Variants in C2CD3 observed in about 807,000 individuals in gnomAD.
C2CD3 encodes C2 domain containing 3 centriole elongation regulator.
A neutral mutation model predicts 234.0 loss-of-function variants in C2CD3; 148 were observed. That is an observed-to-expected ratio of 0.63 (90% CI 0.55 to 0.72). The LOEUF is 0.72. C2CD3 is among the 30% of genes least tolerant of loss of function. The probability of loss-of-function intolerance (pLI) is 0.00; values close to 1 mark genes in which losing one functional copy is unlikely to be tolerated. For synonymous variants in C2CD3, 1,000 were observed against 1,035.4 expected (o/e 0.97, Z 0.66); for missense variants, 2,577 against 2,811.5 (o/e 0.92, Z 1.89).
intron 2 of C2CD3, among the ~76,000 whole-genome samples, chr11:74,165,382 C>T (rs1356869597): frequency 6.6e-6 from 1 of 152,058 alleles, no homozygotes; most frequent in Non-Finnish European, 1.5e-5. Context: ...ATCCTAATTA[C>T]AAGGTTATTT....
At chr11:74,054,485 C>T (rs1953864453) in intron 26 of C2CD3, 122 bp downstream of exon 26, 4 of 582,224 alleles carry the variant, frequency 6.9e-6, no homozygotes, top group South Asian at 4.8e-5. Context: ...CCAGCACTGT[C>T]GGGAATGCTT....
At chr11:74,099,956 C>T (rs560488040) in intron 15 of C2CD3, among the ~76,000 whole-genome samples, 4 of 151,466 alleles carry the variant, frequency 2.6e-5, no homozygotes, top group Non-Finnish European at 5.9e-5. Flanking sequence ...AATGAAATAA[C>T]CTTCAGGTTA....
Position 74,093,907 on chromosome 11 carries a change from C to A in C2CD3, c.3253G>T (p.Ala1085Ser), listed in dbSNP as rs1956000825. The part of the protein sequence containing the change: ...SEHHHSLLLP[A>S]EVPVQRLLLS... ...AGGAGCCTTTGCACTGGAACCTCAG[C>A]TGGCAACAGGAGAGAGTGATGGTGT... Residue 1085 changes from alanine to serine, a missense_variant, in exon 18 of 33, where the codon GCT (alanine) becomes TCT (serine). Physicochemically the swap from Ala to Ser is moderately conservative, Grantham distance 99. Transcript: ENST00000334126. The A allele has an allele frequency of 1.2e-6, 2 of 1,613,980 alleles. No individual in the cohort carries two copies. The highest frequency in any genetic ancestry group is 2.7e-5 in the African/African-American group (2 of 74,910).
chr11:74,125,431 G>A (rs139188598), intron 7 of C2CD3, among the ~76,000 whole-genome samples: 13 of 152,232 alleles, frequency 8.5e-5, no homozygotes, highest in African/African-American at 3.1e-4. Context: ...GGAATTACAG[G>A]TGTGAGCCCC....
rs1856953636 is a variant in C2CD3 at position 74,168,550 on chromosome 11, A to C, written c.119T>G (p.Phe40Cys). 2.5e-6 allele frequency: 4 copies of C among 1,614,106 alleles called. No homozygotes were observed. The African/African-American group carries it at 5.3e-5, about 22-fold the overall frequency. ...PPLVEGQLRC[F>C]LKLTVNRVIW... ...GACTCTATTAACAGTAAGTTTTAGA[A>C]AACAGCGTAGCTGGCCTTCAACCAG... The change falls in exon 2 of 33, where the codon TTT becomes TGT. Residue 40 changes from phenylalanine (F) to cysteine (C), a missense_variant. Transcript: ENST00000334126.
chr11:74,099,984 G>A (rs772346454), intron 15 of C2CD3, among the ~76,000 whole-genome samples: 3 of 152,090 alleles, frequency 2.0e-5, no homozygotes, highest in Non-Finnish European at 2.9e-5. Context: ...CCCCACCTAC[G>A]TGTTAAAAGT....
At chr11:74,161,898 C>T (rs1357080477) in intron 2 of C2CD3, among the ~76,000 whole-genome samples, 2 of 151,232 alleles carry the variant, frequency 1.3e-5, no homozygotes, top group Non-Finnish European at 2.9e-5. Context: ...TCACTGCAAC[C>T]TCGAACTCCA....
chr11:74,081,407 C>A (rs1955351692), intron 22 of C2CD3, among the ~76,000 whole-genome samples: 1 of 152,112 alleles, frequency 6.6e-6, no homozygotes, highest in Non-Finnish European at 1.5e-5. Context: ...ATGAGTGAAT[C>A]TGGATTTCAT....
intron 19 of C2CD3, chr11:74,091,468 TG>T (rs1326670618): frequency 6.6e-6 from 1 of 152,614 alleles, no homozygotes; most frequent in African/African-American, 2.4e-5. Context: ...TTAATTATGG[TG>T]ACATAAAACC....
At chr11:74,103,672 T>C in intron 13 of C2CD3, 47 bp from the exon 14 acceptor site, 1 of 1,518,250 alleles carries the variant, frequency 6.6e-7, no homozygotes, top group Non-Finnish European at 8.9e-7. Context: ...TCCTTTAGAA[T>C]TGGAATTAGA....
At position 74,049,675 on chromosome 11, in the gene C2CD3, T is replaced by C. The variant is rs1953579510; in HGVS notation, c.5156-133A>G. 12 of 680,896 alleles carry C rather than the reference T, an allele frequency of 1.8e-5. No homozygotes were observed. The South Asian group carries it at 1.9e-4, about 11-fold the overall frequency. 42.2% of individuals were successfully genotyped at this position (680,896 alleles called of 1,614,324 possible). ...TCCCAAAGCCATCAGAGAAGACAGATAATGAAGTTGAGAGGGACTGGCAAC... is the reference window on the plus strand; with the variant it reads ...TCCCAAAGCCATCAGAGAAGACAGACAATGAAGTTGAGAGGGACTGGCAAC... On this transcript the variant is annotated intron_variant, in intron 26 of 32. Coordinates refer to ENST00000334126, the MANE Select transcript of C2CD3 (RefSeq NM_001286577.2).
At chr11:74,060,708 G>A (rs142982019) in intron 24 of C2CD3, among the ~76,000 whole-genome samples, 2 of 152,262 alleles carry the variant, frequency 1.3e-5, no homozygotes, top group African/African-American at 4.8e-5. Flanking sequence ...AAATCAGAGC[G>A]CCTCTCCTCC....
rs1382678107 is a variant in C2CD3 at position 74,170,963 on chromosome 11, G to T, written c.-171C>A. 4.1e-6 allele frequency: 6 copies of T among 1,449,418 alleles called. No individual in the cohort carries two copies. Among genetic ancestry groups the T allele is most frequent in the South Asian group, 1.3e-5 (1 of 77,332 alleles). The allele number at this position is 1,449,418 out of a possible 1,614,324, so 89.8% of individuals were successfully genotyped here. On this transcript the variant is annotated 5_prime_UTR_variant, in exon 1 of 33. Transcript: ENST00000334126. ...TCTAACAGTCTCCGGAAAACGGTGC[G>T]AAGAGAAGGCGCCAAGACGCCTTCC...
At chr11:74,103,106 A>G in intron 14 of C2CD3, 25 bp downstream of exon 14, 1 of 1,585,498 alleles carries the variant, frequency 6.3e-7, no homozygotes, top group South Asian at 1.2e-5. Context: ...TATTCCTCTA[A>G]TGGATATGGA....
At chr11:74,017,656 G>A (rs1469173273) in intron 32 of C2CD3, among the ~76,000 whole-genome samples, 1 of 152,182 alleles carries the variant, frequency 6.6e-6, no homozygotes, top group Admixed American at 6.5e-5. Context: ...TTCTCTTTGG[G>A]CCTTGGTTTG....
intron 8 of C2CD3, among the ~76,000 whole-genome samples, chr11:74,122,467 CATAGTATGT>C (rs1384043136): frequency 2.0e-5 from 3 of 152,182 alleles, no homozygotes; most frequent in African/African-American, 7.2e-5. Context: ...AGGGATTGGA[CATAGTATGT>C]ATAGATTCTA....
rs1403993863 is a variant in C2CD3 at position 74,093,929 on chromosome 11, G to A, written c.3231C>T (p.His1077=). 1.2e-5 allele frequency: 20 copies of A among 1,613,858 alleles called. No homozygotes were observed. The highest frequency in any genetic ancestry group is 1.6e-5 in the Non-Finnish European group (19 of 1,179,842). The change falls in exon 18 of 33, where the codon CAC becomes CAT. Residue 1077 remains histidine (H), a synonymous_variant. Transcript: ENST00000334126. ...CAGCTGGCAACAGGAGAGAGTGATG[G>A]TGTTCACTATTAAAGATGGGATCTG... ...CVPDPIFNSE[H]HHSLLLPAEV...
intron 22 of C2CD3, among the ~76,000 whole-genome samples, chr11:74,082,889 G>A (rs1316523878): frequency 6.6e-6 from 1 of 152,308 alleles, no homozygotes; most frequent in East Asian, 1.9e-4. Flanking sequence ...TAGATTCAAT[G>A]CCATCCCCAT....
intron 3 of C2CD3, among the ~76,000 whole-genome samples, chr11:74,155,725 A>G (rs182921336): frequency 1.3e-5 from 2 of 152,228 alleles, no homozygotes; most frequent in Non-Finnish European, 2.9e-5. Flanking sequence ...GTAGTTGTCA[A>G]GGGCGGGGGC....
Sources: allele counts gnomAD v4.1 joint callset (sites outside exome capture counted in the v4.1 genomes callset), GRCh38; gene constraint gnomAD v4.1.1; transcripts MANE v1.5; gene names NCBI Gene and HGNC (gene_info 2026-07-23, HGNC 2026-07-21).